SYNE3: variants seen among roughly 807,000 people sequenced by gnomAD.
SYNE3 encodes the protein nesprin-3.
A neutral mutation model predicts 111.2 loss-of-function variants in SYNE3; 100 were observed. The ratio of observed to expected loss-of-function variants is 0.90; its 90% CI spans 0.77 to 1.06. SYNE3 has a LOEUF of 1.06. SYNE3 is among the 50% of genes least tolerant of loss of function. SYNE3 has a pLI of 0.00. For synonymous variants in SYNE3, 547 were observed against 533.9 expected, an observed-to-expected ratio of 1.02 and a Z score of -0.34; for missense variants, 1,160 against 1,240.3, an observed-to-expected ratio of 0.94 and a Z score of 0.97.
At chr14:95,427,629 C>A (rs1885512214) in intron 17 of SYNE3, among the ~76,000 whole-genome samples, 2 of 152,186 alleles carry the variant, frequency 1.3e-5, no homozygotes, top group South Asian at 4.1e-4. Context: ...GGAAGAGCCC[C>A]CTGTCCAGTG....
At chr14:95,456,189 T>A (rs185465395) in intron 5 of SYNE3, 24 of 187,072 alleles carry the variant, frequency 1.3e-4, no homozygotes, top group East Asian at 6.8e-4. Flanking sequence ...TCAGTTTTTT[T>A]AAAAATGAGT....
intron 9 of SYNE3, 95 bp from the exon 10 acceptor site, chr14:95,444,723 CG>C: frequency 1.4e-6 from 2 of 1,436,132 alleles, no homozygotes. Flanking sequence ...CTCTTCGTCT[CG>C]GCCAGCTCAT....
intron 4 of SYNE3, among the ~76,000 whole-genome samples, chr14:95,460,051 T>C (rs1834713461): frequency 6.6e-6 from 1 of 152,082 alleles, no homozygotes; most frequent in Admixed American, 6.6e-5. Context: ...GAGCTGTGAC[T>C]GCACCACTGC....
rs762297360 is a variant in SYNE3 at position 95,417,920 on chromosome 14, G to C, written c.2834C>G (p.Pro945Arg). ...GCAGCTGCGGTCCTCTTCCCTGATT[G>C]GGAGCAGGAACAGCAGGAGGAGGAA... The part of the protein sequence containing the change: ...LLFLLLLFLL[P>R]IREEDRSCTL... Residue 945 changes from proline to arginine, a missense_variant, in exon 18 of 18, where the codon CCA becomes CGA. Physicochemically the swap from Pro to Arg is moderately radical, Grantham distance 103 (BLOSUM62 -2). Transcript: ENST00000682763. 1.2e-6 allele frequency: 2 copies of C among 1,614,036 alleles called. No individual in the cohort carries two copies. Among genetic ancestry groups the C allele is most frequent in the Admixed American group, 3.3e-5 (2 of 60,002 alleles).
intron 1 of SYNE3, among the ~76,000 whole-genome samples, chr14:95,512,637 G>A (rs1408996338): frequency 6.6e-6 from 1 of 151,640 alleles, no homozygotes; most frequent in Non-Finnish European, 1.5e-5. Context: ...CAGATCACGA[G>A]GTCAGGAGAT....
At chr14:95,467,156 A>G (rs564182073) in intron 3 of SYNE3, among the ~76,000 whole-genome samples, 1 of 152,306 alleles carries the variant, frequency 6.6e-6, no homozygotes, top group Admixed American at 6.5e-5. Flanking sequence ...AGTCATTCCC[A>G]TCTCCATGCA....
chr14:95,468,290 G>A (rs1317559277), intron 2 of SYNE3, among the ~76,000 whole-genome samples: 5 of 152,226 alleles, frequency 3.3e-5, no homozygotes, highest in Admixed American at 1.3e-4. Context: ...TTTGTAAAGT[G>A]CAAGTATTAA....
chr14:95,503,353 C>G (rs753570092), intron 1 of SYNE3, among the ~76,000 whole-genome samples: 7 of 152,222 alleles, frequency 4.6e-5, no homozygotes, highest in Non-Finnish European at 8.8e-5. Flanking sequence ...GGCATGCTAT[C>G]TGCCAGGCAT....
At position 95,512,507 on chromosome 14, in the gene SYNE3, T is replaced by C. The variant is rs554212204; in HGVS notation, c.-15+4089A>G. Among the ~76,000 whole-genome samples the C allele has an allele frequency of 2.6e-5, 4 of 151,928 alleles. No individual in the cohort carries two copies. The East Asian group carries it at 7.7e-4, about 29-fold the overall frequency. On this transcript the variant is annotated intron_variant, in intron 1 of 17. Transcript: ENST00000682763. ...AGGTGGAGGTTGCTGTGAGCTGAGA[T>C]TGTGCCACTGCACTCCAGCCTGGGC...
At chr14:95,462,567 C>T (rs192982963) in intron 4 of SYNE3, among the ~76,000 whole-genome samples, 140 of 152,350 alleles carry the variant, frequency 9.2e-4, no homozygotes, top group Non-Finnish European at 1.5e-3. Context: ...CCGCTGTCTC[C>T]GCACATGACA....
chr14:95,444,700 T>C, intron 9 of SYNE3, 72 bp from the exon 10 acceptor site: 1 of 1,472,600 alleles, frequency 6.8e-7, no homozygotes, highest in Non-Finnish European at 9.0e-7. Flanking sequence ...ACCCGACCCG[T>C]TCAGCCAGGC....
chr14:95,492,425 C>A, intron 1 of SYNE3, among the ~76,000 whole-genome samples: 1 of 152,174 alleles, frequency 6.6e-6, no homozygotes, highest in East Asian at 1.9e-4. Flanking sequence ...GAATATTATT[C>A]ACCTGTGAAA....
At chr14:95,423,020 C>T (rs1885219092) in intron 17 of SYNE3, among the ~76,000 whole-genome samples, 1 of 152,218 alleles carries the variant, frequency 6.6e-6, no homozygotes, top group Non-Finnish European at 1.5e-5. Flanking sequence ...GCCCTGCGTT[C>T]GCTCCCCGTA....
intron 17 of SYNE3, among the ~76,000 whole-genome samples, chr14:95,431,851 C>T (rs1400933776): frequency 1.3e-5 from 2 of 152,212 alleles, no homozygotes; most frequent in South Asian, 2.1e-4. Flanking sequence ...CCTGTCCCAG[C>T]GGAGGACTCT....
intron 5 of SYNE3, chr14:95,456,085 T>C (rs1289230920): frequency 2.5e-5 from 9 of 359,082 alleles, no homozygotes; most frequent in Non-Finnish European, 4.5e-5. Flanking sequence ...TTCGGTTTCA[T>C]TGTATTTATT....
chr14:95,450,413 A>C, intron 7 of SYNE3: 1 of 318,844 alleles, frequency 3.1e-6, no homozygotes, highest in Non-Finnish European at 5.8e-6. Flanking sequence ...GGTGGCTCAC[A>C]CCTGTAGTCC....
Position 95,436,970 on chromosome 14 carries a change from TA to T in SYNE3, c.2387del (p.Leu796HisfsTer15). ...CTTCATGGCTCCCTTCTTCTTCCTG[TA>T]GAAGATTTGCCTGTAGGATCACACA... ...IPRHRRRANLLQEEEGSHEDF... is the reference protein window; with the variant it reads ...IPRHRRRANLXQEEEGSHEDF... On this transcript the variant is annotated frameshift_variant, in exon 15 of 18. Coordinates refer to ENST00000682763, the MANE Select transcript of SYNE3 (RefSeq NM_152592.6). LOFTEE classifies it high-confidence loss of function. 1.2e-6 allele frequency: 2 copies of T among 1,613,168 alleles called. No homozygotes were observed. The highest frequency in any genetic ancestry group is 1.3e-5 in the African/African-American group (1 of 74,194).
In SYNE3 at chr14:95,439,661, G is replaced by C; in HGVS notation, c.2197C>G (p.Leu733Val). Residue 733 changes from leucine to valine, a missense_variant, in exon 13 of 18, where the codon CTG becomes GTG. By Grantham distance (32) the Leu-to-Val change is conservative. Coordinates refer to ENST00000682763, the MANE Select transcript of SYNE3 (RefSeq NM_152592.6). ...AAVVQEELRELAESWRALRLL... is the reference protein window; with the variant it reads ...AAVVQEELREVAESWRALRLL... ...CTCAAGGCCCGCCACGACTCTGCCA[G>C]CTCCCTGAGCTCCTCCTGCACCACG... The C allele has an allele frequency of 1.2e-6, 2 of 1,613,860 alleles. No individual in the cohort carries two copies. The highest frequency in any genetic ancestry group is 2.2e-5 in the South Asian group (2 of 91,070).
chr14:95,501,423 C>T (rs79298448), intron 1 of SYNE3, among the ~76,000 whole-genome samples: 1,599 of 152,308 alleles, frequency 0.01, 22 homozygotes, highest in African/African-American at 0.035. Flanking sequence ...CGGATCTTTG[C>T]TCCGTGTGTT....
Sources: gnomAD v4.1 joint callset for allele counts (sites outside exome capture counted in the v4.1 genomes callset) on GRCh38, gnomAD v4.1.1 for gene constraint, MANE v1.5 for transcripts, NCBI Gene and HGNC (gene_info 2026-07-23, HGNC 2026-07-21) for gene names.